CNGA4: variants seen among roughly 807,000 people sequenced by gnomAD.
CNGA4 encodes cyclic nucleotide-gated channel alpha-4.
Under a neutral mutation model 45.6 loss-of-function variants are expected in CNGA4, and 32 were observed. The observed-to-expected ratio is 0.70, with a 90% CI of 0.53 to 0.94. The LOEUF is 0.94. CNGA4 is among the 40% of genes least tolerant of loss of function. The pLI, the probability that CNGA4 is intolerant of heterozygous loss-of-function variation, is 0.00. For missense variants in CNGA4, 726 were observed against 755.1 expected (o/e 0.96, Z 0.45); for synonymous variants, 293 against 304.6 (o/e 0.96, Z 0.40).
chr11:6,241,077 T>G (rs1590652814), intron 4 of CNGA4, among the ~76,000 whole-genome samples: 1 of 152,016 alleles, frequency 6.6e-6, no homozygotes, highest in Non-Finnish European at 1.5e-5. Context: ...CTACCTATGG[T>G]GATTCATACT....
intron 1 of CNGA4, 55 bp downstream of exon 1, chr11:6,239,323 A>C (rs971148295): frequency 6.2e-7 from 1 of 1,612,548 alleles, no homozygotes; most frequent in Non-Finnish European, 8.5e-7. Context: ...TTGGTGCCCC[A>C]GTCACAACTA....
chr11:6,240,672 A>C lies in CNGA4; in HGVS notation c.878A>C (p.Gln293Pro), dbSNP rs545343438. 75 of 1,613,932 alleles carry C rather than the reference A, an allele frequency of 4.6e-5. No homozygotes were observed. The South Asian group carries it at 8.2e-4, about 18-fold the overall frequency. ...CTGGTGAAGAAGTACATGAAGCTGC[A>C]GCACGTCAACCGCAAGCTGGAGCGG... ...HALVKKYMKL[Q>P]HVNRKLERRV... The change falls in exon 4 of 6, where the codon CAG becomes CCG. Residue 293 changes from glutamine to proline, a missense_variant. By Grantham distance (76) the Gln-to-Pro change is moderately conservative. Coordinates refer to ENST00000379936, the MANE Select transcript of CNGA4 (RefSeq NM_001037329.4). The surrounding 1 kb of genome is among the most constrained non-coding windows in gnomAD (Gnocchi z 4.9).
In CNGA4 at chr11:6,239,480, G is replaced by A. The variant is rs1381828845; in HGVS notation, c.159G>A (p.Val53=). 1.2e-6 allele frequency: 2 copies of A among 1,614,052 alleles called. No homozygotes were observed. The highest frequency in any genetic ancestry group is 1.7e-6 in the Non-Finnish European group (2 of 1,180,008). Reference sequence around the variant, plus strand: ...TCATGTATAACCTCATCATCCTCGTGTGCAGGTATGGCAGCGGTGCTAAGG... The same window carrying A: ...TCATGTATAACCTCATCATCCTCGTATGCAGGTATGGCAGCGGTGCTAAGG... ...FPVMYNLIIL[V]CRACFPDLQH... is the part of the protein sequence containing the mutation. The change falls in exon 2 of 6, where the codon GTG becomes GTA. Residue 53 remains valine, a synonymous_variant. Coordinates refer to ENST00000379936, the MANE Select transcript of CNGA4 (RefSeq NM_001037329.4).
chr11:6,238,408 G>T (rs1847864451), upstream of CNGA4, among the ~76,000 whole-genome samples: 1 of 152,228 alleles, frequency 6.6e-6, no homozygotes. Flanking sequence ...GGAACATCAG[G>T]TTGAGGGAGA....
In CNGA4 at chr11:6,240,675, A is replaced by G. The variant is rs1412979104; in HGVS notation, c.881A>G (p.His294Arg). 6.2e-7 allele frequency: 1 copy of G among 1,613,720 alleles called. No homozygotes were observed. The highest frequency in any genetic ancestry group is 8.5e-7 in the Non-Finnish European group (1 of 1,179,776). ...ALVKKYMKLQ[H>R]VNRKLERRVI... ...GTGAAGAAGTACATGAAGCTGCAGC[A>G]CGTCAACCGCAAGCTGGAGCGGCGA... The change falls in exon 4 of 6, where the codon CAC (histidine) becomes CGC (arginine). Residue 294 changes from histidine (H) to arginine (R), a missense_variant. His to Arg is a conservative substitution (Grantham distance 29). Coordinates refer to ENST00000379936, the MANE Select transcript of CNGA4 (RefSeq NM_001037329.4). This position sits in a 1 kb window ranked among gnomAD's most constrained non-coding sequence, Gnocchi z 4.9.
rs776077230 is a variant in CNGA4 at position 6,240,109 on chromosome 11, C to A, written c.315C>A (p.Ile105=). The A allele has an allele frequency of 6.2e-7, 1 of 1,613,732 alleles. No homozygotes were observed. Among genetic ancestry groups the A allele is most frequent in the Non-Finnish European group, 8.5e-7 (1 of 1,179,806 alleles). ...QGILVVDKGR[I]SSRYVRTWSF... ...TCCTGGTGGTGGACAAGGGTAGGAT[C>A]TCGAGTCGCTACGTTCGCACCTGGA... The change falls in exon 4 of 6, where the codon ATC becomes ATA. Residue 105 remains isoleucine (I), a synonymous_variant. Coordinates refer to ENST00000379936, the MANE Select transcript of CNGA4 (RefSeq NM_001037329.4). The surrounding 1 kb of genome is among the most constrained non-coding windows in gnomAD (Gnocchi z 4.9).
chr11:6,238,387 T>G (rs953759858), upstream of CNGA4, among the ~76,000 whole-genome samples: 2 of 152,220 alleles, frequency 1.3e-5, no homozygotes, highest in Non-Finnish European at 2.9e-5. Context: ...AGAAAGATGA[T>G]AGCAGTGAAA....
chr11:6,241,186 G>A (rs1230826903), intron 4 of CNGA4, among the ~76,000 whole-genome samples: 1 of 152,194 alleles, frequency 6.6e-6, no homozygotes, highest in African/African-American at 2.4e-5. Flanking sequence ...TAAGGGTAGG[G>A]GTGGAACAAG....
At chr11:6,237,701 C>T (rs1424429104), upstream of CNGA4, among the ~76,000 whole-genome samples, 1 of 152,146 alleles carries the variant, frequency 6.6e-6, no homozygotes, top group Non-Finnish European at 1.5e-5. Context: ...TTTATTTTAA[C>T]AAGCGTAATA....
chr11:6,239,694 C>A lies in CNGA4; in HGVS notation c.175C>A (p.Pro59Thr). Reference protein sequence around the residue: ...LIILVCRACFPDLQHGYLVAW... With the variant: ...LIILVCRACFTDLQHGYLVAW... ...AACCCTGCCCTGCAGAGCCTGCTTC[C>A]CCGACTTGCAGCACGGTTATCTGGT... The change falls in exon 3 of 6, where the codon CCC (proline) becomes ACC (threonine). Residue 59 changes from proline to threonine, a missense_variant. By Grantham distance (38) the Pro-to-Thr change is conservative. Transcript: ENST00000379936. 1 of 1,614,082 alleles carries A rather than the reference C, an allele frequency of 6.2e-7. No individual in the cohort carries two copies. Among genetic ancestry groups the A allele is most frequent in the Non-Finnish European group, 8.5e-7 (1 of 1,179,956 alleles).
chr11:6,240,581 GGTA>G lies in CNGA4; in HGVS notation c.789_791del (p.Ser264del). The G allele has an allele frequency of 6.2e-7, 1 of 1,614,194 alleles. No individual in the cohort carries two copies. The highest frequency in any genetic ancestry group is 8.5e-7 in the Non-Finnish European group (1 of 1,180,024). ...CGTCATGGGTTTCGCCACCATCATG[GGTA>G]GCATGAGCTCTGTCATCTACAACAT... On this transcript the variant is annotated inframe_deletion, in exon 4 of 6. Coordinates refer to ENST00000379936, the MANE Select transcript of CNGA4 (RefSeq NM_001037329.4). The surrounding 1 kb of genome is among the most constrained non-coding windows in gnomAD (Gnocchi z 4.9).
chr11:6,241,759 A>AT lies in CNGA4; in HGVS notation c.1247dup (p.Ser417GlnfsTer54). Reference sequence around the variant, plus strand: ...CGGTGCAGGGCTCTACTTTGGGGAGATCAGCATCATCAACATCAAAGGTGG... The same window carrying AT: ...CGGTGCAGGGCTCTACTTTGGGGAGATTCAGCATCATCAACATCAAAGGTGG... On this transcript the variant is annotated frameshift_variant, in exon 5 of 6. Coordinates refer to ENST00000379936, the MANE Select transcript of CNGA4 (RefSeq NM_001037329.4). LOFTEE classifies it high-confidence loss of function. 1 of 1,614,064 alleles carries AT rather than the reference A, an allele frequency of 6.2e-7. No homozygotes were observed. Among genetic ancestry groups the AT allele is most frequent in the Non-Finnish European group, 8.5e-7 (1 of 1,179,954 alleles).
At position 6,240,454 on chromosome 11, in the gene CNGA4, T is replaced by C; in HGVS notation, c.660T>C (p.Tyr220=). 6.2e-7 allele frequency: 1 copy of C among 1,614,216 alleles called. No homozygotes were observed. The highest frequency in any genetic ancestry group is 8.5e-7 in the Non-Finnish European group (1 of 1,180,036). ...AGCGCCTGCGGCGCCAGTACCTCTATAGCTTTTACTTCTCCACGCTGATAC... is the reference window on the plus strand; with the variant it reads ...AGCGCCTGCGGCGCCAGTACCTCTACAGCTTTTACTTCTCCACGCTGATAC... ...GFERLRRQYL[Y]SFYFSTLILT... is the part of the protein sequence containing the mutation. The change falls in exon 4 of 6, where the codon TAT becomes TAC. Residue 220 remains tyrosine (Y), a synonymous_variant. Transcript: ENST00000379936. This position sits in a 1 kb window ranked among gnomAD's most constrained non-coding sequence, Gnocchi z 4.9.
Position 6,240,987 on chromosome 11 carries a change from G to A in CNGA4, c.917+276G>A, listed in dbSNP as rs1339675417. ...CAGGGAATGGGAAGTGCCACTGCCTGGTAGGGCTCAGAAGGCTCTGGAAGG... is the reference window on the plus strand; with the variant it reads ...CAGGGAATGGGAAGTGCCACTGCCTAGTAGGGCTCAGAAGGCTCTGGAAGG... On this transcript the variant is annotated intron_variant, in intron 4 of 5. Transcript: ENST00000379936. This position sits in a 1 kb window ranked among gnomAD's most constrained non-coding sequence, Gnocchi z 4.9. 6.6e-6 allele frequency among the ~76,000 whole-genome samples: 1 copy of A among 152,190 alleles called. No homozygotes were observed. The highest frequency in any genetic ancestry group is 2.4e-5 in the African/African-American group (1 of 41,442).
rs1359173085 is a variant in CNGA4 at position 6,243,442 on chromosome 11, C to T, written c.1268-507C>T. On this transcript the variant is annotated intron_variant, in intron 5 of 5. Transcript: ENST00000379936. ...CCACACTTTCAAACAACCAAAACAA[C>T]CAGCTCTCGACTCACTAACTCAAAG... Among the ~76,000 whole-genome samples, 3 of 152,266 alleles carry T rather than the reference C, an allele frequency of 2.0e-5. No individual in the cohort carries two copies. The East Asian group carries it at 5.8e-4, about 29-fold the overall frequency.
In CNGA4 at chr11:6,244,259, T is replaced by G; in HGVS notation, c.1578T>G (p.Ala526=). Residue 526 remains alanine (A), a synonymous_variant, in exon 6 of 6, where the codon GCT becomes GCG. Transcript: ENST00000379936. The surrounding 1 kb of genome is among the most constrained non-coding windows in gnomAD (Gnocchi z 4.5). ...AELESSALKI[A]YRIERLEWQT... The stretch of plus-strand genomic sequence containing the variant: ...TGGAGTCCAGCGCACTTAAGATTGC[T>G]TACCGCATTGAACGGCTGGAGTGGC... The G allele has an allele frequency of 6.2e-7, 1 of 1,614,162 alleles. No homozygotes were observed. The highest frequency in any genetic ancestry group is 1.1e-5 in the South Asian group (1 of 91,084).
upstream of CNGA4, chr11:6,235,514 G>A (rs1214886129): frequency 1.0e-6 from 1 of 985,360 alleles, no homozygotes; most frequent in Admixed American, 6.1e-5. Flanking sequence ...AGGATGAGAG[G>A]AAGGTACGGT....
In CNGA4 at chr11:6,244,299, C is replaced by G. The variant is rs776877190; in HGVS notation, c.1618C>G (p.Pro540Ala). 2.8e-5 allele frequency: 45 copies of G among 1,613,984 alleles called. No individual in the cohort carries two copies. Among genetic ancestry groups the G allele is most frequent in the Non-Finnish European group, 3.6e-5 (43 of 1,180,018 alleles). Residue 540 changes from proline (P) to alanine (A), a missense_variant, in exon 6 of 6, where the codon CCA (proline) becomes GCA (alanine). Pro to Ala is a conservative substitution (Grantham distance 27). Transcript: ENST00000379936. This position sits in a 1 kb window ranked among gnomAD's most constrained non-coding sequence, Gnocchi z 4.5. ...ERLEWQTREW[P>A]MPEDLAEADD... ...GCTGGAGTGGCAGACTCGAGAGTGG[C>G]CAATGCCCGAGGACCTGGCTGAGGC... is the stretch of plus-strand genomic sequence containing the variant.
rs150305809 is a variant in CNGA4 at position 6,240,728 on chromosome 11, C to T, written c.917+17C>T. 0.013 allele frequency: 20,578 copies of T among 1,606,224 alleles called. 207 individuals are homozygous for T. Among genetic ancestry groups the T allele is most frequent in the South Asian group, 0.024 (2,145 of 90,064 alleles). ...TATTGACTGGTGAGAAGGCGGGGTT[C>T]CAGACCAGGACAGGGACCAGTGTAG... On this transcript the variant is annotated intron_variant, in intron 4 of 5. Transcript: ENST00000379936. This position sits in a 1 kb window ranked among gnomAD's most constrained non-coding sequence, Gnocchi z 4.9.
Sources: allele counts gnomAD v4.1 joint callset (sites outside exome capture counted in the v4.1 genomes callset), GRCh38; gene constraint gnomAD v4.1.1; non-coding constraint Gnocchi (gnomAD v3.1); transcripts MANE v1.5; gene names NCBI Gene and HGNC (gene_info 2026-07-23, HGNC 2026-07-21).